The following PIP4K2A variants were observed in gnomAD, a reference collection of about 807,000 sequenced individuals.
The protein encoded by PIP4K2A is phosphatidylinositol 5-phosphate 4-kinase type-2 alpha.
PIP4K2A carries 14 observed loss-of-function variants against 42.9 expected under a neutral mutation model. That is an observed-to-expected ratio of 0.33 (90% CI 0.22 to 0.51). The LOEUF (loss-of-function observed/expected upper bound fraction) is 0.51. Among genes scored for constraint, PIP4K2A ranks in the 20% least tolerant of loss-of-function variants. PIP4K2A has a pLI of 0.97. For missense variants in PIP4K2A, 434 were observed against 519.8 expected, an observed-to-expected ratio of 0.83 and a Z score of 1.61; for synonymous variants, 192 against 192.2, an observed-to-expected ratio of 1.00 and a Z score of 0.01.
chr10:22,660,121 T>C (rs943353280), intron 1 of PIP4K2A, among the ~76,000 whole-genome samples: 1 of 152,052 alleles, frequency 6.6e-6, no homozygotes, highest in African/African-American at 2.4e-5. Context: ...CACTTCCCCC[T>C]ACATCCCCAG....
rs1835950684 is a variant in PIP4K2A at position 22,536,980 on chromosome 10, A to G, written c.*221T>C. On this transcript the variant is annotated 3_prime_UTR_variant, in exon 10 of 10. Transcript: ENST00000376573. ...TCACCCCCCCCCAACACACACACAC[A>G]CACATATACACAAAGTCAGAAATAG... 5.1e-6 allele frequency: 2 copies of G among 389,898 alleles called. No homozygotes were observed. The highest frequency in any genetic ancestry group is 9.4e-6 in the Non-Finnish European group (2 of 212,224). 24.2% of individuals were successfully genotyped at this position (389,898 alleles called of 1,614,324 possible). A position where few individuals can be genotyped will look rare whatever the true frequency, so the allele number is the denominator to read the frequency against.
intron 4 of PIP4K2A, among the ~76,000 whole-genome samples, chr10:22,579,620 T>C (rs1047685330): frequency 2.0e-5 from 3 of 152,102 alleles, no homozygotes; most frequent in Non-Finnish European, 4.4e-5. Flanking sequence ...AGATGCTCCA[T>C]TCTGGCCGGG....
chr10:22,620,688 C>T (rs535127704), intron 1 of PIP4K2A, among the ~76,000 whole-genome samples: 2 of 152,206 alleles, frequency 1.3e-5, no homozygotes, highest in Non-Finnish European at 2.9e-5. Context: ...TCATCTGGTG[C>T]TGAGTAGCTG....
chr10:22,666,895 T>A (rs1033693407), intron 1 of PIP4K2A, among the ~76,000 whole-genome samples: 2 of 152,198 alleles, frequency 1.3e-5, no homozygotes, highest in African/African-American at 4.8e-5. Context: ...TCCACATCTC[T>A]GCAAGAAAGT....
chr10:22,646,931 CAA>C (rs113890244), intron 1 of PIP4K2A, among the ~76,000 whole-genome samples: 39 of 81,150 alleles, frequency 4.8e-4, no homozygotes, highest in South Asian at 7.9e-4. Flanking sequence ...CAAAACAAAA[CAA>C]AAAACAAAAC....
chr10:22,624,146 G>A (rs548798328), intron 1 of PIP4K2A, among the ~76,000 whole-genome samples: 27 of 152,276 alleles, frequency 1.8e-4, no homozygotes, highest in African/African-American at 6.5e-4. Context: ...ACATTGGGCA[G>A]TACTACACTA....
intron 1 of PIP4K2A, among the ~76,000 whole-genome samples, chr10:22,691,019 C>A (rs1157890714): frequency 1.3e-5 from 2 of 152,168 alleles, no homozygotes; most frequent in Non-Finnish European, 2.9e-5. Context: ...ACGTAACCCC[C>A]TAAGGGAGAC....
chr10:22,702,594 C>T (rs996251086), intron 1 of PIP4K2A, among the ~76,000 whole-genome samples: 7 of 152,330 alleles, frequency 4.6e-5, no homozygotes, highest in Non-Finnish European at 8.8e-5. Flanking sequence ...CTTTCTTTGG[C>T]ACTGGCTTGC....
chr10:22,537,328 T>C (rs1835961266), intron 9 of PIP4K2A, 47 bp from the exon 10 acceptor site: 1 of 1,412,458 alleles, frequency 7.1e-7, no homozygotes, highest in East Asian at 2.5e-5. Flanking sequence ...GTTTATGATT[T>C]CCCCAAATTA....
At chr10:22,651,260 C>T (rs1838990112) in intron 1 of PIP4K2A, among the ~76,000 whole-genome samples, 1 of 152,170 alleles carries the variant, frequency 6.6e-6, no homozygotes, top group Non-Finnish European at 1.5e-5. Context: ...CTCCTCCAAG[C>T]CTTTCTCCCA....
intron 5 of PIP4K2A, chr10:22,568,877 G>A: frequency 1.6e-6 from 1 of 629,738 alleles, no homozygotes; most frequent in Non-Finnish European, 2.8e-6. Context: ...CCAATTTCCT[G>A]GGCTCCCTTC....
At chr10:22,676,168 A>G (rs184946433) in intron 1 of PIP4K2A, among the ~76,000 whole-genome samples, 9 of 152,224 alleles carry the variant, frequency 5.9e-5, no homozygotes, top group African/African-American at 2.2e-4. Context: ...AGAGGCTCAA[A>G]AACTGTGGTC....
intron 4 of PIP4K2A, among the ~76,000 whole-genome samples, chr10:22,591,390 A>G (rs2058608126): frequency 2.0e-5 from 3 of 152,234 alleles, no homozygotes. Flanking sequence ...ATTACACAAG[A>G]GTATTTAGGT....
chr10:22,572,108 G>T (rs990747486), intron 5 of PIP4K2A, among the ~76,000 whole-genome samples: 2 of 152,168 alleles, frequency 1.3e-5, no homozygotes, highest in Admixed American at 1.3e-4. Flanking sequence ...TTGTAAGAGC[G>T]TGAAAGCGTT....
At chr10:22,595,934 A>G (rs911635440) in intron 3 of PIP4K2A, among the ~76,000 whole-genome samples, 1 of 152,036 alleles carries the variant, frequency 6.6e-6, no homozygotes, top group Non-Finnish European at 1.5e-5. Flanking sequence ...AGCCGGGCGC[A>G]GTGGGGCACG....
At chr10:22,670,918 G>A (rs1387031549) in intron 1 of PIP4K2A, among the ~76,000 whole-genome samples, 1 of 152,098 alleles carries the variant, frequency 6.6e-6, no homozygotes, top group Non-Finnish European at 1.5e-5. Flanking sequence ...GCTGCAGTGA[G>A]CACAAAGTTC....
intron 1 of PIP4K2A, among the ~76,000 whole-genome samples, chr10:22,668,635 G>A (rs1839394420): frequency 6.6e-6 from 1 of 152,158 alleles, no homozygotes; most frequent in African/African-American, 2.4e-5. Flanking sequence ...AATAGAAGCT[G>A]GTTTTCTGAA....
chr10:22,644,793 G>C (rs1838848336), intron 1 of PIP4K2A, among the ~76,000 whole-genome samples: 2 of 152,136 alleles, frequency 1.3e-5, no homozygotes, highest in South Asian at 4.1e-4. Flanking sequence ...ACCTACACTT[G>C]TGCCAGGTAA....
At chr10:22,650,071 A>G (rs938148309) in intron 1 of PIP4K2A, among the ~76,000 whole-genome samples, 1 of 152,016 alleles carries the variant, frequency 6.6e-6, no homozygotes, top group Admixed American at 6.5e-5. Flanking sequence ...TGGCTCAAAC[A>G]TTTGACCAAT....
Sources: allele counts gnomAD v4.1 joint callset (sites outside exome capture counted in the v4.1 genomes callset), GRCh38; gene constraint gnomAD v4.1.1; transcripts MANE v1.5; gene names NCBI Gene and HGNC (gene_info 2026-07-23, HGNC 2026-07-21).